The following NRXN1 variants were observed in gnomAD, a reference collection of about 807,000 sequenced individuals.
NRXN1 encodes neurexin-1.
NRXN1 carries 39 observed loss-of-function variants against 150.9 expected under a neutral mutation model. That is an observed-to-expected ratio of 0.26 (90% CI 0.20 to 0.34). The LOEUF (loss-of-function observed/expected upper bound fraction) is 0.34, where lower values mean the gene tolerates loss of function less well. Among genes scored for constraint, NRXN1 ranks in the 10% least tolerant of loss-of-function variants. NRXN1 has a pLI of 1.00. For missense variants in NRXN1, 1,815 were observed against 1,949.9 expected (o/e 0.93, Z 1.30); for synonymous variants, 924 against 757.0 (o/e 1.22, Z -3.62).
chr2:50,144,297 G>T (rs575284507), intron 18 of NRXN1, among the ~76,000 whole-genome samples: 1 of 151,780 alleles, frequency 6.6e-6, no homozygotes, highest in East Asian at 1.9e-4. Context: ...TTAGTTTCAA[G>T]CCCTACCTGA....
intron 5 of NRXN1, among the ~76,000 whole-genome samples, chr2:50,909,944 T>G (rs541957049): frequency 6.6e-6 from 1 of 152,048 alleles, no homozygotes; most frequent in Admixed American, 6.6e-5. Context: ...ACATCTCACC[T>G]TTGTTACTTA....
At chr2:50,144,518 T>TA (rs1000152926) in intron 18 of NRXN1, among the ~76,000 whole-genome samples, 14 of 151,900 alleles carry the variant, frequency 9.2e-5, no homozygotes, top group African/African-American at 2.7e-4. Context: ...CTCAATCTCC[T>TA]AAAAAATCAC....
intron 5 of NRXN1, among the ~76,000 whole-genome samples, chr2:50,868,250 G>C (rs1677254468): frequency 7.0e-6 from 1 of 143,114 alleles, no homozygotes; most frequent in Non-Finnish European, 1.5e-5. Flanking sequence ...TATTTTGCAG[G>C]AACATGGTTG....
chr2:50,955,165 G>T (rs147153354), intron 2 of NRXN1, among the ~76,000 whole-genome samples: 30 of 152,190 alleles, frequency 2.0e-4, no homozygotes, highest in African/African-American at 6.7e-4. Flanking sequence ...AGCTGACATG[G>T]GTCACTATTC....
intron 21 of NRXN1, among the ~76,000 whole-genome samples, chr2:49,999,859 A>G (rs1683615513): frequency 6.6e-6 from 1 of 152,222 alleles, no homozygotes; most frequent in South Asian, 2.1e-4. Flanking sequence ...GACTAACTGC[A>G]GCATAAAGTA....
At chr2:50,951,209 G>A (rs1319215096) in intron 2 of NRXN1, among the ~76,000 whole-genome samples, 1 of 152,142 alleles carries the variant, frequency 6.6e-6, no homozygotes, top group Non-Finnish European at 1.5e-5. Flanking sequence ...AAGGGGATGA[G>A]ATGAGAGGAG....
intron 18 of NRXN1, among the ~76,000 whole-genome samples, chr2:50,107,156 T>A (rs1345490242): frequency 6.6e-6 from 1 of 151,964 alleles, no homozygotes; most frequent in East Asian, 1.9e-4. Flanking sequence ...ACAGATTAGC[T>A]GAGCCTTTCA....
intron 8 of NRXN1, among the ~76,000 whole-genome samples, chr2:50,559,532 C>T (rs748798866): frequency 4.6e-5 from 7 of 152,062 alleles, no homozygotes; most frequent in East Asian, 1.9e-4. Context: ...TAATTTAATA[C>T]GCTAGTTTAA....
chr2:50,545,161 C>A lies in NRXN1; in HGVS notation c.1760-6525G>T, dbSNP rs544041494. Among the ~76,000 whole-genome samples the A allele has an allele frequency of 5.1e-4, 78 of 152,162 alleles. 1 individual carries two copies. Among genetic ancestry groups the A allele is most frequent in the Middle Eastern group, 6.8e-3 (2 of 294 alleles). ...TGGTAAGGGGAAACGCTTCACTTAGCTAGTTTTTGAATTGCCTGAACGTGT... is the reference window on the plus strand; with the variant it reads ...TGGTAAGGGGAAACGCTTCACTTAGATAGTTTTTGAATTGCCTGAACGTGT... On this transcript the variant is annotated intron_variant, in intron 9 of 22. Transcript: ENST00000401669.
At chr2:50,632,124 A>C (rs1682437454) in intron 5 of NRXN1, among the ~76,000 whole-genome samples, 1 of 151,998 alleles carries the variant, frequency 6.6e-6, no homozygotes, top group African/African-American at 2.4e-5. Context: ...AAGTAAATAA[A>C]TTTAACTATG....
intron 5 of NRXN1, among the ~76,000 whole-genome samples, chr2:50,694,757 T>C (rs1356024999): frequency 6.6e-6 from 1 of 152,338 alleles, no homozygotes; most frequent in East Asian, 1.9e-4. Context: ...TTAATCCTTT[T>C]ATCCCCAATA....
At chr2:51,014,786 T>G (rs1668413877) in intron 2 of NRXN1, among the ~76,000 whole-genome samples, 1 of 152,016 alleles carries the variant, frequency 6.6e-6, no homozygotes, top group South Asian at 2.1e-4. Flanking sequence ...AAAAGTCACC[T>G]ACTTTTTAGG....
chr2:50,355,136 A>G (rs1432515903), intron 17 of NRXN1, among the ~76,000 whole-genome samples: 1 of 151,938 alleles, frequency 6.6e-6, no homozygotes, highest in Non-Finnish European at 1.5e-5. Flanking sequence ...AGCATATACT[A>G]CAATTTGAAT....
chr2:50,769,906 A>G (rs1437858057), intron 5 of NRXN1, among the ~76,000 whole-genome samples: 1 of 152,084 alleles, frequency 6.6e-6, no homozygotes, highest in Non-Finnish European at 1.5e-5. Flanking sequence ...TCCAAATTCA[A>G]TGCTGAACAA....
chr2:50,011,082 G>A (rs955524055), intron 21 of NRXN1, among the ~76,000 whole-genome samples: 5 of 152,080 alleles, frequency 3.3e-5, no homozygotes, highest in African/African-American at 1.2e-4. Context: ...TCTTTGTATA[G>A]AAGTAAATAG....
At position 50,253,799 on chromosome 2, in the gene NRXN1, C is replaced by T. The variant is rs2067406518; in HGVS notation, c.3365-16829G>A. 3.3e-5 allele frequency among the ~76,000 whole-genome samples: 5 copies of T among 152,028 alleles called. No homozygotes were observed. The South Asian group carries it at 1.0e-3, about 32-fold the overall frequency. On this transcript the variant is annotated intron_variant, in intron 17 of 22. Transcript: ENST00000401669. ...GGTGGATAAGCTTTTTGATGTGCTG[C>T]TGCCTTTGGTTTGCCAGTATTTTAT...
intron 17 of NRXN1, among the ~76,000 whole-genome samples, chr2:50,454,769 G>A (rs1573037761): frequency 6.6e-6 from 1 of 151,572 alleles, no homozygotes; most frequent in East Asian, 1.9e-4. Context: ...TAAGTGTTAT[G>A]AGAAATAATA....
At chr2:50,586,719 A>G (rs992854703) in intron 8 of NRXN1, among the ~76,000 whole-genome samples, 2 of 152,148 alleles carry the variant, frequency 1.3e-5, no homozygotes, top group Non-Finnish European at 2.9e-5. Flanking sequence ...TTTCTCTACC[A>G]TTACCCTAAG....
At chr2:50,431,056 G>T (rs750252133) in intron 17 of NRXN1, among the ~76,000 whole-genome samples, 1 of 152,238 alleles carries the variant, frequency 6.6e-6, no homozygotes, top group African/African-American at 2.4e-5. Context: ...TGTCAACAAA[G>T]ATGCCCATGC....
Sources: allele counts gnomAD v4.1 joint callset (sites outside exome capture counted in the v4.1 genomes callset), GRCh38; gene constraint gnomAD v4.1.1; transcripts MANE v1.5; gene names NCBI Gene and HGNC (gene_info 2026-07-23, HGNC 2026-07-21).